Variants in RNF135 observed in about 807,000 individuals in gnomAD.
The protein encoded by RNF135 is E3 ubiquitin-protein ligase RNF135.
A neutral mutation model predicts 41.9 loss-of-function variants in RNF135; 46 were observed. That is an observed-to-expected ratio of 1.10 (90% CI 0.87 to 1.40). The LOEUF (loss-of-function observed/expected upper bound fraction) is 1.40. Among genes scored for constraint, RNF135 ranks in the 40% most tolerant of loss-of-function variants. The probability of loss-of-function intolerance (pLI) is 0.00; values close to 1 mark genes in which losing one functional copy is unlikely to be tolerated. For synonymous variants in RNF135, 238 were observed against 223.8 expected (o/e 1.06, Z -0.57); for missense variants, 539 against 549.8 (o/e 0.98, Z 0.20).
chr17:30,990,625 GT>G (rs1907922062), intron 3 of RNF135, among the ~76,000 whole-genome samples: 1 of 152,176 alleles, frequency 6.6e-6, no homozygotes, highest in East Asian at 1.9e-4. Context: ...TTTTATTACC[GT>G]TTTTTTGAGT....
At chr17:30,979,714 AC>A (rs1228109745) in intron 1 of RNF135, among the ~76,000 whole-genome samples, 19 of 36,914 alleles carry the variant, frequency 5.1e-4, no homozygotes, top group African/African-American at 1.1e-3. Flanking sequence ...CGGGGGGCTG[AC>A]CCCCCCCACC....
Position 30,987,998 on chromosome 17 carries a change from G to T in RNF135, c.571G>T (p.Asp191Tyr). The T allele has an allele frequency of 1.2e-6, 2 of 1,614,012 alleles. No individual in the cohort carries two copies. Among genetic ancestry groups the T allele is most frequent in the Non-Finnish European group, 1.7e-6 (2 of 1,179,944 alleles). ...SMASPKLVTS[D>Y]TAAGKIRDIL... ...GGCTTCTCCAAAGCTGGTGACTTCC[G>T]ACACAGCTGCAGGGAAAATCAGAGA... Residue 191 changes from aspartate to tyrosine, a missense_variant, in exon 3 of 5, where the codon GAC becomes TAC. Transcript: ENST00000328381.
intron 1 of RNF135, among the ~76,000 whole-genome samples, chr17:30,981,314 C>A (rs1045549726): frequency 1.4e-5 from 2 of 143,382 alleles, no homozygotes; most frequent in African/African-American, 6.0e-5. Flanking sequence ...GCAGCAGTAC[C>A]GTCCAGCTTT....
At chr17:30,983,047 G>A (rs1488237381) in intron 1 of RNF135, among the ~76,000 whole-genome samples, 25 of 151,860 alleles carry the variant, frequency 1.6e-4, no homozygotes, top group Non-Finnish European at 1.6e-4. Context: ...ATTTCACTTA[G>A]CATAATGTCT....
At chr17:30,992,529 G>A (rs912687429) in intron 3 of RNF135, among the ~76,000 whole-genome samples, 4 of 151,922 alleles carry the variant, frequency 2.6e-5, no homozygotes, top group Non-Finnish European at 4.4e-5. Context: ...GCAGTGGTGC[G>A]ATCATGGCTC....
intron 1 of RNF135, among the ~76,000 whole-genome samples, chr17:30,978,413 T>G (rs1906650212): frequency 6.6e-6 from 1 of 152,100 alleles, no homozygotes; most frequent in Non-Finnish European, 1.5e-5. Flanking sequence ...TAGGCATGCT[T>G]CATTCTCTTT....
chr17:30,979,786 G>T (rs1906885925), intron 1 of RNF135, among the ~76,000 whole-genome samples: 2 of 123,020 alleles, frequency 1.6e-5, no homozygotes, highest in Admixed American at 7.7e-5. Context: ...CCTCCCGGAC[G>T]GGGCGGCTGG....
At position 30,987,169 on chromosome 17, in the gene RNF135, G is replaced by T. The variant is rs1907649657; in HGVS notation, c.517-775G>T. Among the ~76,000 whole-genome samples, 6 of 152,062 alleles carry T rather than the reference G, an allele frequency of 3.9e-5. No homozygotes were observed. In the South Asian group the frequency reaches 1.2e-3, roughly 31 times the overall value. Reference sequence around the variant, plus strand: ...CCTAGAAAGCAGGACCTGGATGCAGGCAATTTGAGAGGGAGCTCTTGCGAA... The same window carrying T: ...CCTAGAAAGCAGGACCTGGATGCAGTCAATTTGAGAGGGAGCTCTTGCGAA... On this transcript the variant is annotated intron_variant, in intron 2 of 4. Coordinates refer to ENST00000328381, the MANE Select transcript of RNF135 (RefSeq NM_032322.4).
chr17:30,979,387 G>A (rs374422947), intron 1 of RNF135, among the ~76,000 whole-genome samples: 47 of 118,054 alleles, frequency 4.0e-4, no homozygotes, highest in African/African-American at 1.4e-3. Flanking sequence ...CCTCCCTCCC[G>A]GACGGGGCGG....
chr17:30,968,292 C>CAAA (rs1188089121), upstream of RNF135, among the ~76,000 whole-genome samples: 4 of 127,926 alleles, frequency 3.1e-5, no homozygotes, highest in African/African-American at 1.1e-4. Flanking sequence ...GACTCCATCT[C>CAAA]AAAAAAAAAA....
At chr17:30,979,311 G>C (rs1386213782) in intron 1 of RNF135, 4 of 134,434 alleles carry the variant, frequency 3.0e-5, no homozygotes, top group African/African-American at 1.2e-4. Flanking sequence ...AGTAGGGGCG[G>C]CCGGGCAGAG....
intron 1 of RNF135, among the ~76,000 whole-genome samples, chr17:30,977,081 CTTTTTATTTTTTGT>C (rs1224016811): frequency 1.3e-5 from 2 of 151,900 alleles, no homozygotes; most frequent in African/African-American, 4.8e-5. Context: ...TAGTTTCTTG[CTTTTTATTTTTTGT>C]GTATCCATTA....
the RNF135 span, among the ~76,000 whole-genome samples, chr17:30,964,337 C>A: frequency 7.4e-6 from 1 of 134,936 alleles, no homozygotes; most frequent in African/African-American, 3.1e-5. Context: ...TGCAGTGAGC[C>A]GAGATCGTGC....
chr17:30,971,087 G>A lies in RNF135; in HGVS notation c.14G>A (p.Gly5Asp). 1 of 1,534,284 alleles carries A rather than the reference G, an allele frequency of 6.5e-7. No individual in the cohort carries two copies. The highest frequency in any genetic ancestry group is 8.7e-7 in the Non-Finnish European group (1 of 1,146,134). Reference protein sequence around the residue: MAGLGLGSAVPVWLA... With the variant: MAGLDLGSAVPVWLA... Reference sequence around the variant, plus strand: ...CGCCTGTTGGCCATGGCGGGCCTGGGCCTGGGCTCCGCCGTTCCCGTGTGG... The same window carrying A: ...CGCCTGTTGGCCATGGCGGGCCTGGACCTGGGCTCCGCCGTTCCCGTGTGG... The change falls in exon 1 of 5, where the codon GGC becomes GAC. Residue 5 changes from glycine (G) to aspartate (D), a missense_variant. Physicochemically the swap from Gly to Asp is moderately conservative, Grantham distance 94. Transcript: ENST00000328381.
intron 2 of RNF135, among the ~76,000 whole-genome samples, chr17:30,986,112 T>C (rs1476797678): frequency 1.3e-5 from 2 of 152,206 alleles, no homozygotes; most frequent in African/African-American, 4.8e-5. Flanking sequence ...GTTATCACCA[T>C]TGCACCTTTG....
chr17:30,974,673 A>G (rs955322712), intron 1 of RNF135, among the ~76,000 whole-genome samples: 20 of 144,846 alleles, frequency 1.4e-4, no homozygotes, highest in African/African-American at 5.1e-4. Context: ...CCTTTTTATT[A>G]TTATTATTAT....
intron 3 of RNF135, among the ~76,000 whole-genome samples, chr17:30,991,700 C>T (rs1282427267): frequency 6.6e-6 from 1 of 151,962 alleles, no homozygotes; most frequent in Non-Finnish European, 1.5e-5. Flanking sequence ...AGGGGTGAGC[C>T]ACCGTGCCCG....
rs150713120 is a variant in RNF135 at position 30,988,304 on chromosome 17, G to A, written c.679+198G>A. ...TTTTGGCAATGACTGAAGGTGTGAT[G>A]TATCACAAGTCCTTAATAGATAGAA... On this transcript the variant is annotated intron_variant, in intron 3 of 4. Coordinates refer to ENST00000328381, the MANE Select transcript of RNF135 (RefSeq NM_032322.4). Among the ~76,000 whole-genome samples, 3 of 150,896 alleles carry A rather than the reference G, an allele frequency of 2.0e-5. No individual in the cohort carries two copies. In the East Asian group the frequency reaches 5.8e-4, roughly 29 times the overall value.
chr17:30,983,848 A>G (rs531392321), intron 1 of RNF135, among the ~76,000 whole-genome samples: 269 of 151,422 alleles, frequency 1.8e-3, no homozygotes, highest in Middle Eastern at 6.8e-3. Flanking sequence ...TTCCCTAGTG[A>G]TTAGTGATCT....
Sources: allele counts gnomAD v4.1 joint callset (sites outside exome capture counted in the v4.1 genomes callset), GRCh38; gene constraint gnomAD v4.1.1; transcripts MANE v1.5; gene names NCBI Gene and HGNC (gene_info 2026-07-23, HGNC 2026-07-21).